The following ATP2B2 variants were observed in gnomAD, a reference collection of about 807,000 sequenced individuals.
The protein encoded by ATP2B2 is ATPase plasma membrane Ca2+ transporting 2.
ATP2B2 carries 15 observed loss-of-function variants against 120.0 expected under a neutral mutation model. The observed-to-expected ratio is 0.12, with a 90% CI of 0.08 to 0.19. The LOEUF (loss-of-function observed/expected upper bound fraction) is 0.19. Among genes scored for constraint, ATP2B2 ranks in the 10% least tolerant of loss-of-function variants. The pLI, the probability that ATP2B2 is intolerant of heterozygous loss-of-function variation, is 1.00. For missense variants in ATP2B2, 1,045 were observed against 1,719.8 expected (o/e 0.61, Z 6.94); for synonymous variants, 694 against 700.3 (o/e 0.99, Z 0.14).
intron 1 of ATP2B2, among the ~76,000 whole-genome samples, chr3:10,493,629 T>C (rs980946622): frequency 6.6e-6 from 1 of 152,162 alleles, no homozygotes; most frequent in South Asian, 2.1e-4. Context: ...GAACAGACGA[T>C]TGAAAGGGCA....
chr3:10,608,615 T>G (rs1339942107), intron 2 of ATP2B2, among the ~76,000 whole-genome samples: 2 of 152,218 alleles, frequency 1.3e-5, no homozygotes, highest in African/African-American at 2.4e-5. Flanking sequence ...CAAATCTCTT[T>G]GCAGTCACTC....
rs117915919 is a variant in ATP2B2, at chr3:10,554,163, C to A, written c.-414-20030G>T. On this transcript the variant is annotated intron_variant, in intron 2 of 21. Transcript: ENST00000646379. ...TGTATGGCGCTTGACCCTTTGTAAC[C>A]CACCTGAACACTCATCCTCTCACTT... 5.5e-3 allele frequency among the ~76,000 whole-genome samples: 832 copies of A among 152,200 alleles called. 6 individuals are homozygous for A. The highest frequency in any genetic ancestry group is 0.031 in the East Asian group (158 of 5,172).
intron 2 of ATP2B2, among the ~76,000 whole-genome samples, chr3:10,575,898 G>A (rs2068234243): frequency 6.6e-6 from 1 of 152,138 alleles, no homozygotes; most frequent in South Asian, 2.1e-4. Context: ...CCAAAATCTG[G>A]GCCTTAGAGA....
chr3:10,350,678 T>A (rs919195062), intron 14 of ATP2B2, 101 bp from the exon 15 acceptor site: 119 of 1,288,708 alleles, frequency 9.2e-5, no homozygotes, highest in Non-Finnish European at 3.8e-5. Context: ...GCAGCTCTAC[T>A]GAAAGGGGAC....
intron 1 of ATP2B2, among the ~76,000 whole-genome samples, chr3:10,482,775 C>T (rs532859274): frequency 1.3e-5 from 2 of 152,380 alleles, no homozygotes; most frequent in Admixed American, 6.5e-5. Context: ...GGAGCCTAAA[C>T]TGAAGAAGGA....
intron 2 of ATP2B2, among the ~76,000 whole-genome samples, chr3:10,440,750 C>T (rs1575231759): frequency 6.6e-6 from 1 of 152,268 alleles, no homozygotes; most frequent in South Asian, 2.1e-4. Flanking sequence ...TTATTTTTGT[C>T]AATAGAAAGC....
intron 2 of ATP2B2, among the ~76,000 whole-genome samples, chr3:10,539,287 G>C (rs2067382266): frequency 6.6e-6 from 1 of 152,122 alleles, no homozygotes; most frequent in Non-Finnish European, 1.5e-5. Context: ...CGTGAAAATG[G>C]CCATACTGCC....
chr3:10,336,268 G>A, intron 22 of ATP2B2: 1 of 1,550,626 alleles, frequency 6.4e-7, no homozygotes, highest in South Asian at 1.2e-5. Flanking sequence ...CCTGAAAGGA[G>A]GCCCCGCTCT....
chr3:10,432,396 T>C (rs12495210), intron 2 of ATP2B2, among the ~76,000 whole-genome samples: 24,765 of 152,068 alleles, frequency 0.16, 2,186 homozygotes, highest in Admixed American at 0.23. Context: ...TGTTAGACAA[T>C]TTAGGAAAGC....
At chr3:10,520,177 T>C (rs1350682492) in intron 3 of ATP2B2, among the ~76,000 whole-genome samples, 1 of 152,224 alleles carries the variant, frequency 6.6e-6, no homozygotes, top group Non-Finnish European at 1.5e-5. Flanking sequence ...TGCCTGTCCT[T>C]AGCCAGAAAA....
intron 6 of ATP2B2, among the ~76,000 whole-genome samples, chr3:10,387,489 C>T (rs1283364456): frequency 2.6e-5 from 4 of 152,114 alleles, no homozygotes; most frequent in African/African-American, 4.8e-5. Flanking sequence ...AGGAAGGAGA[C>T]AAAAGACTGA....
In ATP2B2 at chr3:10,654,791, A is replaced by C. The variant is rs12495266; in HGVS notation, c.-459-34830T>G. On this transcript the variant is annotated intron_variant, in intron 1 of 21. Transcript: ENST00000646379. ...CTTGGGAAGCTGGTAAAAAAAAAAA[A>C]AAACGCAGACTCTGGGGCTCCCTGG... Among the ~76,000 whole-genome samples the C allele has an allele frequency of 6.8e-3, 1,036 of 152,018 alleles. 6 individuals are homozygous for C. The highest frequency in any genetic ancestry group is 0.037 in the Middle Eastern group (11 of 294).
At chr3:10,578,272 A>G (rs962679980) in intron 2 of ATP2B2, among the ~76,000 whole-genome samples, 1 of 152,204 alleles carries the variant, frequency 6.6e-6, no homozygotes, top group African/African-American at 2.4e-5. Flanking sequence ...AAGTAAAGCA[A>G]AACCTACACC....
At chr3:10,534,233 C>T (rs41293359) in intron 2 of ATP2B2, 15 of 152,536 alleles carry the variant, frequency 9.8e-5, no homozygotes, top group Admixed American at 3.9e-4. Flanking sequence ...GGAGTGTCCC[C>T]GATGTGCTGG....
At chr3:10,448,151 G>T (rs1167779924) in intron 2 of ATP2B2, among the ~76,000 whole-genome samples, 4 of 152,216 alleles carry the variant, frequency 2.6e-5, no homozygotes, top group African/African-American at 7.2e-5. Context: ...CTCCTTTTCT[G>T]TCATGAAGGA....
At chr3:10,593,786 A>C (rs1434694278) in intron 2 of ATP2B2, among the ~76,000 whole-genome samples, 1 of 152,192 alleles carries the variant, frequency 6.6e-6, no homozygotes, top group Non-Finnish European at 1.5e-5. Context: ...CAACCTACAG[A>C]ATGGGAGAAA....
intron 1 of ATP2B2, among the ~76,000 whole-genome samples, chr3:10,696,443 G>A (rs1434263591): frequency 3.3e-5 from 5 of 152,170 alleles, no homozygotes; most frequent in African/African-American, 1.2e-4. Flanking sequence ...GCAGGTGTCA[G>A]ATGCAGATGT....
At chr3:10,595,942 C>G (rs532568074) in intron 2 of ATP2B2, among the ~76,000 whole-genome samples, 9 of 152,308 alleles carry the variant, frequency 5.9e-5, no homozygotes, top group East Asian at 3.9e-4. Flanking sequence ...CCCTGCTGCT[C>G]CTCGAACCCA....
Position 10,375,702 on chromosome 3 carries a change from G to A in ATP2B2, c.1202-58C>T, listed in dbSNP as rs1355429498. 1.8e-5 allele frequency: 28 copies of A among 1,519,686 alleles called. No individual in the cohort carries two copies. The highest frequency in any genetic ancestry group is 2.3e-5 in the South Asian group (2 of 87,590). 94.1% of individuals were successfully genotyped at this position (1,519,686 alleles called of 1,614,324 possible). A position where few individuals can be genotyped will look rare whatever the true frequency, so the allele number is the denominator to read the frequency against. On this transcript the variant is annotated intron_variant, in intron 10 of 22. Transcript: ENST00000360273. The surrounding 1 kb of genome is among the most constrained non-coding windows in gnomAD (Gnocchi z 4.2). ...CCAGGAAGTGGAGGCTGGGGGTGGT[G>A]TGGACCAAATCTTTGGCTGAAAGAG...
Sources: gnomAD v4.1 joint callset for allele counts (sites outside exome capture counted in the v4.1 genomes callset) on GRCh38, gnomAD v4.1.1 for gene constraint, Gnocchi (gnomAD v3.1) non-coding constraint, MANE v1.5 for transcripts, NCBI Gene and HGNC (gene_info 2026-07-23, HGNC 2026-07-21) for gene names.